The following RPS6KA5 variants were observed in gnomAD, a reference collection of about 807,000 sequenced individuals.
RPS6KA5 encodes the protein ribosomal protein S6 kinase A5.
Under a neutral mutation model 85.5 loss-of-function variants are expected in RPS6KA5, and 27 were observed. That is an observed-to-expected ratio of 0.32 (90% confidence interval 0.23 to 0.44). RPS6KA5 has a LOEUF of 0.44. Ranked by LOEUF, RPS6KA5 falls within the 20% of genes least tolerant of loss-of-function variation. The pLI, the probability that RPS6KA5 is intolerant of heterozygous loss-of-function variation, is 1.00. For synonymous variants in RPS6KA5, 334 were observed against 348.2 expected (o/e 0.96, Z 0.46); for missense variants, 811 against 980.9 (o/e 0.83, Z 2.31).
At position 90,853,937 on chromosome 14, in the gene RPS6KA5, G is replaced by A. The variant is rs985797763; in HGVS notation, c.*18137C>T. 6.6e-6 allele frequency: 1 copy of A among 152,132 alleles called. No individual in the cohort carries two copies. Among genetic ancestry groups the A allele is most frequent in the African/African-American group, 2.4e-5 (1 of 41,426 alleles). The allele number at this position is 152,132 out of a possible 1,614,324, so 9.4% of individuals were successfully genotyped here. On this transcript the variant is annotated 3_prime_UTR_variant, in exon 17 of 17. Transcript: ENST00000614987. The stretch of plus-strand genomic sequence containing the variant: ...ACCAGAGAAAACTCTGTATATACCA[G>A]TACAGGTGGGGGATTACTGGCAGGG...
intron 2 of RPS6KA5, among the ~76,000 whole-genome samples, 160 bp downstream of exon 2, chr14:91,000,928 T>C (rs1454992825): frequency 6.6e-6 from 1 of 152,240 alleles, no homozygotes; most frequent in Non-Finnish European, 1.5e-5. Context: ...TTTTGCCTTT[T>C]GTGCTTCTAT....
At chr14:90,879,479 G>A (rs1459000678) in intron 14 of RPS6KA5, among the ~76,000 whole-genome samples, 2 of 152,194 alleles carry the variant, frequency 1.3e-5, no homozygotes, top group African/African-American at 4.8e-5. Context: ...CTGTCTCTGA[G>A]AGCTGTGCTG....
At chr14:90,929,477 C>T (rs2036858389) in intron 5 of RPS6KA5, among the ~76,000 whole-genome samples, 1 of 151,950 alleles carries the variant, frequency 6.6e-6, no homozygotes, top group Non-Finnish European at 1.5e-5. Flanking sequence ...GCAAGAAAAA[C>T]ATAAATATTC....
intron 7 of RPS6KA5, among the ~76,000 whole-genome samples, chr14:90,909,544 T>C (rs1389115477): frequency 6.6e-6 from 1 of 152,218 alleles, no homozygotes; most frequent in Non-Finnish European, 1.5e-5. Context: ...GCAAGAAATA[T>C]GAATATTAAT....
At chr14:90,999,863 T>A (rs2040706126) in intron 2 of RPS6KA5, among the ~76,000 whole-genome samples, 1 of 152,020 alleles carries the variant, frequency 6.6e-6, no homozygotes. Flanking sequence ...GTAGCAAAAA[T>A]TCAGAAGGCA....
intron 14 of RPS6KA5, among the ~76,000 whole-genome samples, chr14:90,880,534 C>CA (rs1182005864): frequency 5.9e-5 from 9 of 152,186 alleles, no homozygotes; most frequent in Non-Finnish European, 1.0e-4. Context: ...CATGGAAACT[C>CA]AGATTGCATC....
At position 90,860,613 on chromosome 14, in the gene RPS6KA5, A is replaced by C. The variant is rs1487675866; in HGVS notation, c.*11461T>G. On this transcript the variant is annotated 3_prime_UTR_variant, in exon 17 of 17. Coordinates refer to ENST00000614987, the MANE Select transcript of RPS6KA5 (RefSeq NM_004755.4). Reference sequence around the variant, plus strand: ...TCCTTCAAAAATAAAGGTAACATTGAATTGTATCTGAATGGAATGATTAGA... The same window carrying C: ...TCCTTCAAAAATAAAGGTAACATTGCATTGTATCTGAATGGAATGATTAGA... 3 of 152,198 alleles carry C rather than the reference A, an allele frequency of 2.0e-5. No homozygotes were observed. The highest frequency in any genetic ancestry group is 2.9e-5 in the Non-Finnish European group (2 of 68,034). The allele number at this position is 152,198 out of a possible 1,614,324, so 9.4% of individuals were successfully genotyped here.
rs1051467739 is a variant in RPS6KA5 at position 91,001,043 on chromosome 14, T to C, written c.175+45A>G. On this transcript the variant is annotated intron_variant, in intron 2 of 16. Transcript: ENST00000614987. ...TATCAATCCTTCATCATAGGAATAA[T>C]AAGTACTTTTTTTTTTCCTTAAATA... 1.6e-5 allele frequency: 17 copies of C among 1,085,292 alleles called. No individual in the cohort carries two copies. In the African/African-American group the frequency reaches 2.6e-4, roughly 16 times the overall value. 67.2% of individuals were successfully genotyped at this position (1,085,292 alleles called of 1,614,324 possible). A position where few individuals can be genotyped will look rare whatever the true frequency, so the allele number is the denominator to read the frequency against.
chr14:90,977,565 G>A (rs185288593), intron 3 of RPS6KA5, among the ~76,000 whole-genome samples: 1 of 152,164 alleles, frequency 6.6e-6, no homozygotes, highest in East Asian at 1.9e-4. Context: ...AGGAACAGAA[G>A]TCTTTTCTTT....
chr14:91,042,705 A>G (rs945553348), intron 1 of RPS6KA5, among the ~76,000 whole-genome samples: 4 of 151,982 alleles, frequency 2.6e-5, no homozygotes, highest in African/African-American at 9.7e-5. Flanking sequence ...CTTCCTTCCC[A>G]TTAAATAATA....
chr14:91,048,056 A>T (rs2042941926), intron 1 of RPS6KA5, among the ~76,000 whole-genome samples: 1 of 152,196 alleles, frequency 6.6e-6, no homozygotes, highest in Non-Finnish European at 1.5e-5. Flanking sequence ...CTCTTTTGCC[A>T]TGTAAGACAA....
rs1192487197 is a variant in RPS6KA5 at position 90,865,805 on chromosome 14, G to A, written c.*6269C>T. 1.3e-5 allele frequency: 2 copies of A among 152,102 alleles called. No individual in the cohort carries two copies. The highest frequency in any genetic ancestry group is 2.4e-5 in the African/African-American group (1 of 41,416). The allele number at this position is 152,102 out of a possible 1,614,324, so 9.4% of individuals were successfully genotyped here. A position where few individuals can be genotyped will look rare whatever the true frequency, so the allele number is the denominator to read the frequency against. On this transcript the variant is annotated 3_prime_UTR_variant, in exon 17 of 17. Coordinates refer to ENST00000614987, the MANE Select transcript of RPS6KA5 (RefSeq NM_004755.4). The stretch of plus-strand genomic sequence containing the variant: ...TTATGAAGCTTATAAGTTCCTTTAT[G>A]TACACAGTAGACAAAGCCTTTTAAA...
chr14:91,060,108 C>A (rs2139998318), intron 1 of RPS6KA5: 1 of 985,344 alleles, frequency 1.0e-6, no homozygotes. Context: ...CTGGTGCCCG[C>A]CGCTCATTCC....
chr14:91,058,791 T>C (rs2043446784), intron 1 of RPS6KA5, among the ~76,000 whole-genome samples: 1 of 151,844 alleles, frequency 6.6e-6, no homozygotes, highest in South Asian at 2.1e-4. Flanking sequence ...GTATAACAGA[T>C]TCACAATGAC....
chr14:91,056,285 A>G (rs2043314605), intron 1 of RPS6KA5, among the ~76,000 whole-genome samples: 1 of 152,146 alleles, frequency 6.6e-6, no homozygotes, highest in Non-Finnish European at 1.5e-5. Flanking sequence ...ATCCCTATCC[A>G]TGTTTACAGA....
intron 3 of RPS6KA5, among the ~76,000 whole-genome samples, chr14:90,962,590 ATTT>A (rs34537107): frequency 6.9e-6 from 1 of 144,024 alleles, no homozygotes; most frequent in Non-Finnish European, 1.5e-5. Flanking sequence ...CCCGGCCTAG[ATTT>A]TTTTTTTTTT....
chr14:91,036,789 C>A (rs1213338724), intron 1 of RPS6KA5, among the ~76,000 whole-genome samples: 1 of 152,180 alleles, frequency 6.6e-6, no homozygotes, highest in Non-Finnish European at 1.5e-5. Flanking sequence ...TGGCTCCTGC[C>A]CCCTCTAGTT....
At chr14:91,009,127 T>C (rs911668715) in intron 1 of RPS6KA5, among the ~76,000 whole-genome samples, 3 of 152,212 alleles carry the variant, frequency 2.0e-5, no homozygotes, top group African/African-American at 4.8e-5. Flanking sequence ...ATGGTGTGAA[T>C]GTTTCTCCTC....
chr14:90,878,038 T>C (rs1363096869), intron 14 of RPS6KA5, among the ~76,000 whole-genome samples: 1 of 151,978 alleles, frequency 6.6e-6, no homozygotes, highest in Non-Finnish European at 1.5e-5. Flanking sequence ...CACTACTGTA[T>C]CCACAGAGCT....
Sources: gnomAD v4.1 joint callset for allele counts (sites outside exome capture counted in the v4.1 genomes callset) on GRCh38, gnomAD v4.1.1 for gene constraint, MANE v1.5 for transcripts, NCBI Gene and HGNC (gene_info 2026-07-23, HGNC 2026-07-21) for gene names.